The following MAPKAP1 variants were observed in gnomAD, a reference collection of about 807,000 sequenced individuals.
MAPKAP1 encodes the protein target of rapamycin complex 2 subunit MAPKAP1.
A neutral mutation model predicts 65.7 loss-of-function variants in MAPKAP1; 20 were observed. The observed-to-expected ratio is 0.30, with a 90% CI of 0.21 to 0.44. MAPKAP1 has a LOEUF of 0.44. MAPKAP1 is among the 20% of genes least tolerant of loss of function. The pLI is 1.00. For synonymous variants in MAPKAP1, 222 were observed against 244.3 expected (o/e 0.91, Z 0.85); for missense variants, 423 against 648.0 (o/e 0.65, Z 3.77).
At chr9:125,577,854 A>AG (rs900133188) in intron 5 of MAPKAP1, among the ~76,000 whole-genome samples, 1 of 149,092 alleles carries the variant, frequency 6.7e-6, no homozygotes, top group Non-Finnish European at 1.5e-5. Flanking sequence ...CCGGGAGCTG[A>AG]GGGGCGCCTC....
At chr9:125,445,005 A>G (rs1225809712) in intron 10 of MAPKAP1, among the ~76,000 whole-genome samples, 3 of 152,340 alleles carry the variant, frequency 2.0e-5, no homozygotes, top group Middle Eastern at 3.4e-3. Flanking sequence ...GTCAAAAGCC[A>G]CACTATTATG....
chr9:125,702,861 A>G (rs1835644811), intron 1 of MAPKAP1, among the ~76,000 whole-genome samples: 1 of 142,880 alleles, frequency 7.0e-6, no homozygotes, highest in African/African-American at 2.6e-5. Context: ...TCAAAAAAAG[A>G]AAAAAAAAAA....
At chr9:125,666,555 C>A (rs145722803) in intron 3 of MAPKAP1, among the ~76,000 whole-genome samples, 2 of 152,170 alleles carry the variant, frequency 1.3e-5, no homozygotes, top group African/African-American at 2.4e-5. Flanking sequence ...GTAGTCCTAG[C>A]TCCTCAGGAG....
chr9:125,458,002 C>A (rs543397642), intron 10 of MAPKAP1, among the ~76,000 whole-genome samples: 34 of 152,294 alleles, frequency 2.2e-4, no homozygotes, highest in African/African-American at 7.9e-4. Flanking sequence ...CCATACTTTC[C>A]TTGGGTTCTC....
chr9:125,440,588 C>CG (rs1852443006), intron 11 of MAPKAP1, among the ~76,000 whole-genome samples: 1 of 152,102 alleles, frequency 6.6e-6, no homozygotes, highest in African/African-American at 2.4e-5. Flanking sequence ...AGAGGGCTCC[C>CG]GGGGGAGGCA....
At chr9:125,654,473 T>C (rs1325680658) in intron 4 of MAPKAP1, among the ~76,000 whole-genome samples, 1 of 151,982 alleles carries the variant, frequency 6.6e-6, no homozygotes, top group African/African-American at 2.4e-5. Context: ...CTAAAACAGA[T>C]CACAGAGAGC....
At chr9:125,518,584 T>G (rs1564539581) in intron 7 of MAPKAP1, among the ~76,000 whole-genome samples, 1 of 152,068 alleles carries the variant, frequency 6.6e-6, no homozygotes, top group Non-Finnish European at 1.5e-5. Flanking sequence ...GCAGGAGGAC[T>G]GCTTAAACCC....
chr9:125,695,207 T>A (rs906878462), intron 1 of MAPKAP1, among the ~76,000 whole-genome samples: 1 of 152,202 alleles, frequency 6.6e-6, no homozygotes, highest in African/African-American at 2.4e-5. Flanking sequence ...AATTGCCCCA[T>A]ACCAGCATCT....
chr9:125,660,640 CCA>C (rs1834157710), intron 3 of MAPKAP1, among the ~76,000 whole-genome samples: 1 of 152,252 alleles, frequency 6.6e-6, no homozygotes, highest in East Asian at 1.9e-4. Context: ...GCTCCCACTC[CCA>C]CAGTCTCCTC....
At chr9:125,518,997 A>G (rs914611205) in intron 7 of MAPKAP1, among the ~76,000 whole-genome samples, 2 of 152,188 alleles carry the variant, frequency 1.3e-5, no homozygotes, top group East Asian at 1.9e-4. Context: ...GTAGATCATT[A>G]TAAGTATTAC....
chr9:125,559,505 C>T, intron 6 of MAPKAP1, 128 bp downstream of exon 6: 1 of 787,510 alleles, frequency 1.3e-6, no homozygotes, highest in Non-Finnish European at 2.0e-6. Context: ...CTCTGGGAGT[C>T]ATCGTTATTA....
intron 8 of MAPKAP1, among the ~76,000 whole-genome samples, chr9:125,491,994 C>A: frequency 6.8e-6 from 1 of 147,944 alleles, no homozygotes. Flanking sequence ...AGTTGAAGAG[C>A]AGCCTGAGCA....
At chr9:125,575,653 T>C (rs186663746) in intron 5 of MAPKAP1, among the ~76,000 whole-genome samples, 4 of 152,304 alleles carry the variant, frequency 2.6e-5, no homozygotes, top group Admixed American at 2.0e-4. Flanking sequence ...AACAACGACA[T>C]ACCACTACAC....
chr9:125,455,057 A>G (rs1478369714), intron 10 of MAPKAP1, among the ~76,000 whole-genome samples: 1 of 152,024 alleles, frequency 6.6e-6, no homozygotes, highest in Non-Finnish European at 1.5e-5. Flanking sequence ...CCCAAAAAAC[A>G]AAAATAAAAA....
Position 125,629,272 on chromosome 9 carries a change from A to G in MAPKAP1, c.498+28379T>C, listed in dbSNP as rs531677423. 2.3e-3 allele frequency among the ~76,000 whole-genome samples: 350 copies of G among 152,366 alleles called. 1 individual carries two copies. Among genetic ancestry groups the G allele is most frequent in the Middle Eastern group, 6.8e-3 (2 of 294 alleles). On this transcript the variant is annotated intron_variant, in intron 4 of 11. Transcript: ENST00000265960. Reference sequence around the variant, plus strand: ...ATACACGCAAAAGAACTGAAAACAGATATTTGTACTGAAAAGAGATATTTG... The same window carrying G: ...ATACACGCAAAAGAACTGAAAACAGGTATTTGTACTGAAAAGAGATATTTG...
intron 3 of MAPKAP1, among the ~76,000 whole-genome samples, chr9:125,663,281 G>C (rs1834242166): frequency 6.6e-6 from 1 of 152,118 alleles, no homozygotes; most frequent in Non-Finnish European, 1.5e-5. Flanking sequence ...GAATACACCA[G>C]GCACGTTTCT....
intron 5 of MAPKAP1, among the ~76,000 whole-genome samples, chr9:125,564,645 G>A (rs746523734): frequency 2.6e-5 from 4 of 151,984 alleles, no homozygotes; most frequent in Non-Finnish European, 5.9e-5. Flanking sequence ...AATTATGAAG[G>A]AAGTAACCAT....
chr9:125,478,864 C>G (rs1854202580), intron 9 of MAPKAP1, among the ~76,000 whole-genome samples: 1 of 152,158 alleles, frequency 6.6e-6, no homozygotes. Flanking sequence ...GAAGTGGGAA[C>G]AACAATATCA....
chr9:125,623,029 CG>C (rs1564587839), intron 4 of MAPKAP1, among the ~76,000 whole-genome samples: 1 of 151,630 alleles, frequency 6.6e-6, no homozygotes, highest in East Asian at 2.0e-4. Flanking sequence ...AGCCCCTAAC[CG>C]CGAGTGATCC....
Sources: gnomAD v4.1 joint callset for allele counts (sites outside exome capture counted in the v4.1 genomes callset) on GRCh38, gnomAD v4.1.1 for gene constraint, MANE v1.5 for transcripts, NCBI Gene and HGNC (gene_info 2026-07-23, HGNC 2026-07-21) for gene names.